The following MTA1 variants were observed in gnomAD, a reference collection of about 807,000 sequenced individuals.
The protein encoded by MTA1 is metastasis-associated protein MTA1.
A neutral mutation model predicts 97.0 loss-of-function variants in MTA1; 15 were observed. That is an observed-to-expected ratio of 0.15 (90% CI 0.10 to 0.24). The LOEUF is 0.24. Ranked by LOEUF, MTA1 falls within the 10% of genes least tolerant of loss-of-function variation. MTA1 has a pLI of 1.00. For synonymous variants in MTA1, 435 were observed against 417.5 expected (o/e 1.04, Z -0.51); for missense variants, 709 against 1,015.1 (o/e 0.70, Z 4.10).
In MTA1 at chr14:105,464,845, G is replaced by T. The variant is rs782761944; in HGVS notation, c.1516G>T (p.Ala506Ser). The change falls in exon 15 of 21, where the codon GCG (alanine) becomes TCG (serine). Residue 506 changes from alanine to serine, a missense_variant. Physicochemically the swap from Ala to Ser is moderately conservative, Grantham distance 99 (BLOSUM62 1). Coordinates refer to ENST00000331320, the MANE Select transcript of MTA1 (RefSeq NM_004689.4). ...GCACCCCTACCTGCCCATCAACAGC[G>T]CGGCCATCAAGGCCGAGTGTGAGTC... ...ARHPYLPINSAAIKAECTARL... is the reference protein window; with the variant it reads ...ARHPYLPINSSAIKAECTARL... 6.3e-7 allele frequency: 1 copy of T among 1,583,276 alleles called. No homozygotes were observed.
In MTA1 at chr14:105,466,426, A is replaced by AGGGGGGGCCGG; in HGVS notation, c.1626_1627insGGGGGGCCGGG (p.Thr543GlyfsTer15). The AGGGGGGGCCGG allele has an allele frequency of 6.7e-7, 1 of 1,484,224 alleles. No homozygotes were observed. Among genetic ancestry groups the AGGGGGGGCCGG allele is most frequent in the Non-Finnish European group, 9.3e-7 (1 of 1,071,322 alleles). The allele number at this position is 1,484,224 out of a possible 1,614,324, so 91.9% of individuals were successfully genotyped here. A position where few individuals can be genotyped will look rare whatever the true frequency, so the allele number is the denominator to read the frequency against. On this transcript the variant is annotated frameshift_variant and splice_region_variant, in exon 17 of 21. Coordinates refer to ENST00000331320, the MANE Select transcript of MTA1 (RefSeq NM_004689.4). LOFTEE classifies it high-confidence loss of function. ...GTTCTGCCTGTGTCATTCCCGGCAG[A>AGGGGGGGCCGG]GACCCACCCCCGCCCCCCCAAGCCT... is the stretch of plus-strand genomic sequence containing the variant.
At chr14:105,465,000 C>G (rs1274237964) in intron 15 of MTA1, 94 bp from the exon 16 acceptor site, 9 of 1,421,564 alleles carry the variant, frequency 6.3e-6, no homozygotes, top group Admixed American at 5.2e-5. Context: ...GCTGACATGG[C>G]CGAGCCCAGT....
At position 105,438,707 on chromosome 14, in the gene MTA1, T is replaced by C; in HGVS notation, c.64T>C (p.Tyr22His). The C allele has an allele frequency of 6.2e-7, 1 of 1,609,866 alleles. No homozygotes were observed. Among genetic ancestry groups the C allele is most frequent in the Non-Finnish European group, 8.5e-7 (1 of 1,177,904 alleles). Residue 22 changes from tyrosine to histidine, a missense_variant, in exon 2 of 21, where the codon TAC (tyrosine) becomes CAC (histidine). Tyr to His is a moderately conservative substitution (Grantham distance 83, BLOSUM62 2). Coordinates refer to ENST00000331320, the MANE Select transcript of MTA1 (RefSeq NM_004689.4). The stretch of plus-strand genomic sequence containing the variant: ...CTTTGAGAACTCCTCCAGCAACCCA[T>C]ACCTGATCCGGAGAATCGAGGAGCT... ...VYFENSSSNP[Y>H]LIRRIEELNK...
chr14:105,450,753 T>C (rs1422497530), intron 6 of MTA1, among the ~76,000 whole-genome samples: 2 of 152,162 alleles, frequency 1.3e-5, no homozygotes, highest in African/African-American at 4.8e-5. Flanking sequence ...GATTCTTATC[T>C]GGGGGTCACC....
At chr14:105,458,739 A>C (rs2083247428) in intron 8 of MTA1, among the ~76,000 whole-genome samples, 1 of 152,206 alleles carries the variant, frequency 6.6e-6, no homozygotes, top group African/African-American at 2.4e-5. Context: ...CCCCTGGGGC[A>C]GGGCGAAGGC....
chr14:105,463,330 G>A lies in MTA1; in HGVS notation c.1017+72G>A, dbSNP rs1407913277. On this transcript the variant is annotated intron_variant, in intron 11 of 20. Coordinates refer to ENST00000331320, the MANE Select transcript of MTA1 (RefSeq NM_004689.4). This position sits in a 1 kb window ranked among gnomAD's most constrained non-coding sequence, Gnocchi z 5.9. ...CCTGCGCCCCATCCTCTCCCAGCAG[G>A]TGGGCGTGCACTGCTGCAGCAGGAG... The A allele has an allele frequency of 1.9e-6, 3 of 1,561,676 alleles. No homozygotes were observed. Among genetic ancestry groups the A allele is most frequent in the African/African-American group, 2.7e-5 (2 of 73,840 alleles).
chr14:105,458,463 C>T, intron 8 of MTA1, 91 bp downstream of exon 8: 1 of 1,145,938 alleles, frequency 8.7e-7, no homozygotes, highest in Non-Finnish European at 1.3e-6. Context: ...ACGTGACAGT[C>T]TTGGATCCCA....
chr14:105,429,752 CTTTT>C (rs59028638), intron 1 of MTA1, among the ~76,000 whole-genome samples: 38 of 50,576 alleles, frequency 7.5e-4, no homozygotes, highest in African/African-American at 3.1e-3. Flanking sequence ...TGCGCCCGGC[CTTTT>C]TTTTTTTTTT....
chr14:105,440,859 A>G (rs1555425496), intron 2 of MTA1, among the ~76,000 whole-genome samples: 1 of 152,252 alleles, frequency 6.6e-6, no homozygotes, highest in Admixed American at 6.5e-5. Flanking sequence ...AGGTGGGCGC[A>G]GCTGGTTGAG....
Position 105,427,668 on chromosome 14 carries a change from C to T in MTA1, c.28+7605C>T, listed in dbSNP as rs957766398. Among the ~76,000 whole-genome samples the T allele has an allele frequency of 5.3e-5, 8 of 152,142 alleles. No individual in the cohort carries two copies. In the East Asian group the frequency reaches 9.6e-4, roughly 18 times the overall value. On this transcript the variant is annotated intron_variant, in intron 1 of 20. Coordinates refer to ENST00000331320, the MANE Select transcript of MTA1 (RefSeq NM_004689.4). ...CAGTATTAGTGGTGACTTTATGGAACGTAATTACTGCAAACAATGAGAATT... is the reference window on the plus strand; with the variant it reads ...CAGTATTAGTGGTGACTTTATGGAATGTAATTACTGCAAACAATGAGAATT...
At chr14:105,466,348 G>T in intron 16 of MTA1, 78 bp from the exon 17 acceptor site, 1 of 1,335,802 alleles carries the variant, frequency 7.5e-7, no homozygotes, top group South Asian at 1.3e-5. Flanking sequence ...CCGGAACCAT[G>T]AGGGCTGGAG....
At chr14:105,435,110 G>C (rs1441649313) in intron 1 of MTA1, among the ~76,000 whole-genome samples, 1 of 152,126 alleles carries the variant, frequency 6.6e-6, no homozygotes, top group African/African-American at 2.4e-5. Flanking sequence ...TAGGTTTTTT[G>C]TAAATGTATT....
chr14:105,462,431 T>TGTGTTGAGA (rs2083392198), intron 10 of MTA1, among the ~76,000 whole-genome samples: 1 of 151,816 alleles, frequency 6.6e-6, no homozygotes, highest in African/African-American at 2.4e-5. Context: ...TAGTCGGGCA[T>TGTGTTGAGA]GGTGGCAGGC....
chr14:105,423,861 G>C (rs1374320424), intron 1 of MTA1, among the ~76,000 whole-genome samples: 1 of 152,264 alleles, frequency 6.6e-6, no homozygotes, highest in Non-Finnish European at 1.5e-5. Context: ...TTTGTAGAGG[G>C]CTGCAGCCAG....
At chr14:105,434,028 A>G (rs1202170288) in intron 1 of MTA1, among the ~76,000 whole-genome samples, 3 of 152,110 alleles carry the variant, frequency 2.0e-5, no homozygotes, top group Admixed American at 6.6e-5. Context: ...GGCTTTCACC[A>G]TGTTGGCCAG....
chr14:105,464,360 C>CT (rs2083481132), intron 13 of MTA1, 56 bp from the exon 14 acceptor site: 1 of 1,599,974 alleles, frequency 6.3e-7, no homozygotes, highest in Admixed American at 1.7e-5. Context: ...GGGGAATACT[C>CT]TGACATCGCT....
intron 1 of MTA1, among the ~76,000 whole-genome samples, chr14:105,429,985 G>A (rs1031620476): frequency 6.6e-6 from 1 of 150,406 alleles, no homozygotes; most frequent in Admixed American, 6.6e-5. Flanking sequence ...TCAAACTCCT[G>A]ACCTCAAGTG....
chr14:105,463,956 C>A lies in MTA1; in HGVS notation c.1077-76C>A. Reference sequence around the variant, plus strand: ...GTTCTGGACAAGGGGTGGTCAGCCGCGGTGCCTGCTGGGCACATGGGCCCT... The same window carrying A: ...GTTCTGGACAAGGGGTGGTCAGCCGAGGTGCCTGCTGGGCACATGGGCCCT... On this transcript the variant is annotated intron_variant, in intron 12 of 20. Transcript: ENST00000331320. The surrounding 1 kb of genome is among the most constrained non-coding windows in gnomAD (Gnocchi z 5.9). 1 of 1,420,810 alleles carries A rather than the reference C, an allele frequency of 7.0e-7. No homozygotes were observed. Among genetic ancestry groups the A allele is most frequent in the Non-Finnish European group, 9.9e-7 (1 of 1,008,070 alleles). The allele number at this position is 1,420,810 out of a possible 1,614,324, so 88.0% of individuals were successfully genotyped here. A position where few individuals can be genotyped will look rare whatever the true frequency, so the allele number is the denominator to read the frequency against.
chr14:105,437,178 T>G (rs1388087080), intron 1 of MTA1, among the ~76,000 whole-genome samples: 13 of 152,260 alleles, frequency 8.5e-5, no homozygotes, highest in African/African-American at 2.9e-4. Flanking sequence ...ACTTTGCACA[T>G]GGGTGCCCAA....
Sources: gnomAD v4.1 joint callset for allele counts (sites outside exome capture counted in the v4.1 genomes callset) on GRCh38, gnomAD v4.1.1 for gene constraint, Gnocchi (gnomAD v3.1) non-coding constraint, MANE v1.5 for transcripts, NCBI Gene and HGNC (gene_info 2026-07-23, HGNC 2026-07-21) for gene names.